Variants in PARPBP observed in about 807,000 individuals in gnomAD.
The protein encoded by PARPBP is PARP1 binding protein.
PARPBP carries 52 observed loss-of-function variants against 50.0 expected under a neutral mutation model. The observed-to-expected ratio is 1.04, with a 90% CI of 0.83 to 1.31. PARPBP has a LOEUF of 1.31. Ranked by LOEUF, PARPBP falls within the 50% of genes most tolerant of loss-of-function variation. The pLI is 0.00. For missense variants in PARPBP, 697 were observed against 672.0 expected, an observed-to-expected ratio of 1.04 and a Z score of -0.41; for synonymous variants, 244 against 232.1, an observed-to-expected ratio of 1.05 and a Z score of -0.47.
Position 102,196,131 on chromosome 12 carries a change from A to C in PARPBP, c.1580A>C (p.Glu527Ala). The C allele has an allele frequency of 6.2e-7, 1 of 1,612,156 alleles. No homozygotes were observed. Among genetic ancestry groups the C allele is most frequent in the Non-Finnish European group, 8.5e-7 (1 of 1,178,704 alleles). The change falls in exon 11 of 11, where the codon GAA (glutamate) becomes GCA (alanine). Residue 527 changes from glutamate to alanine, a missense_variant. By Grantham distance (107) the Glu-to-Ala change is moderately radical. Transcript: ENST00000327680. The stretch of plus-strand genomic sequence containing the variant: ...AATATTCTCTGTGATAATAGAAATG[A>C]ACCACCTCAACATAAAAATGCTAAA... ...GENILCDNRN[E>A]PPQHKNAKIP...
chr12:102,151,882 G>T, intron 3 of PARPBP: 4 of 1,021,308 alleles, frequency 3.9e-6, no homozygotes, highest in Non-Finnish European at 5.8e-6. Flanking sequence ...TGAGAAGAAG[G>T]AACCAGGGAC....
chr12:102,168,879 GTCT>G (rs1269111672), intron 6 of PARPBP, among the ~76,000 whole-genome samples: 1 of 152,104 alleles, frequency 6.6e-6, no homozygotes, highest in Non-Finnish European at 1.5e-5. Context: ...ACAACAAACT[GTCT>G]TCTTTGTTTC....
At chr12:102,151,836 T>G (rs890065732) in intron 3 of PARPBP, 62 of 1,455,446 alleles carry the variant, frequency 4.3e-5, no homozygotes, top group African/African-American at 7.0e-5. Flanking sequence ...TTCAGAACAT[T>G]GAAGAAGCCA....
chr12:102,148,858 A>G (rs1218608982), intron 3 of PARPBP: 1 of 161,738 alleles, frequency 6.2e-6, no homozygotes, highest in Admixed American at 6.4e-5. Context: ...CTATGGATTA[A>G]TAATGTTATT....
intron 2 of PARPBP, among the ~76,000 whole-genome samples, chr12:102,143,417 C>T (rs541085779): frequency 1.8e-4 from 27 of 152,294 alleles, no homozygotes; most frequent in East Asian, 1.4e-3. Flanking sequence ...GGGAATTCCC[C>T]GACCCCTTGC....
intron 8 of PARPBP, among the ~76,000 whole-genome samples, chr12:102,182,008 G>GC (rs1317015416): frequency 6.6e-6 from 1 of 152,054 alleles, no homozygotes; most frequent in East Asian, 1.9e-4. Context: ...TCACCCTGAG[G>GC]CCCCACCTCT....
chr12:102,150,278 C>G, intron 3 of PARPBP: 1 of 453,922 alleles, frequency 2.2e-6, no homozygotes, highest in Non-Finnish European at 4.4e-6. Context: ...ATTTCCAGTG[C>G]GGGGAAAAAG....
chr12:102,150,399 T>A (rs1886032521), intron 3 of PARPBP: 1 of 351,638 alleles, frequency 2.8e-6, no homozygotes, highest in Admixed American at 4.0e-5. Context: ...CCAAACAGTT[T>A]TGAATGTCAT....
chr12:102,194,905 G>A (rs1006048794), intron 9 of PARPBP, among the ~76,000 whole-genome samples: 6 of 150,636 alleles, frequency 4.0e-5, no homozygotes, highest in Non-Finnish European at 8.9e-5. Context: ...TTTTTTCCAA[G>A]AGTGTGTTCT....
rs773020384 is a variant in PARPBP at position 102,195,948 on chromosome 12, C to A, written c.1400-3C>A. 6.4e-7 allele frequency: 1 copy of A among 1,558,830 alleles called. No homozygotes were observed. The highest frequency in any genetic ancestry group is 8.7e-7 in the Non-Finnish European group (1 of 1,150,096). ...CCTTTCCCCTTTTTATCTTGCATAA[C>A]AGAGGGTGTAAATCCATCTGTTGGA... On this transcript the variant is annotated splice_polypyrimidine_tract_variant and splice_region_variant and intron_variant, in intron 10 of 10. Coordinates refer to ENST00000327680, the MANE Select transcript of PARPBP (RefSeq NM_017915.5).
chr12:102,130,724 A>C (rs1882716711), intron 2 of PARPBP, among the ~76,000 whole-genome samples: 1 of 151,746 alleles, frequency 6.6e-6, no homozygotes, highest in Admixed American at 6.6e-5. Flanking sequence ...GCATGGGGGC[A>C]GACGCCTGTA....
At chr12:102,168,333 ACTT>A (rs922407028) in intron 6 of PARPBP, among the ~76,000 whole-genome samples, 13 of 152,242 alleles carry the variant, frequency 8.5e-5, no homozygotes, top group African/African-American at 2.6e-4. Context: ...GAGGGAATAG[ACTT>A]CTTCAACTTA....
chr12:102,175,137 T>G (rs1161500750), intron 6 of PARPBP, among the ~76,000 whole-genome samples: 1 of 152,238 alleles, frequency 6.6e-6, no homozygotes, highest in Non-Finnish European at 1.5e-5. Flanking sequence ...CAATGAGAGA[T>G]AACTGTTCTT....
At chr12:102,122,499 G>A (rs1462492006) in intron 1 of PARPBP, among the ~76,000 whole-genome samples, 1 of 152,166 alleles carries the variant, frequency 6.6e-6, no homozygotes, top group Non-Finnish European at 1.5e-5. Flanking sequence ...AATAAGTACA[G>A]GAAAATACCC....
chr12:102,147,561 C>T (rs892743244), intron 2 of PARPBP, among the ~76,000 whole-genome samples: 1 of 108,374 alleles, frequency 9.2e-6, no homozygotes, highest in African/African-American at 3.7e-5. Context: ...TCTGGGGACT[C>T]TTGTGGGGTG....
intron 9 of PARPBP, among the ~76,000 whole-genome samples, chr12:102,194,469 G>A (rs1891077358): frequency 6.6e-6 from 1 of 151,856 alleles, no homozygotes; most frequent in Non-Finnish European, 1.5e-5. Flanking sequence ...GGCATTATTT[G>A]TATAGGCTAC....
chr12:102,156,543 T>C (rs1886968027), intron 4 of PARPBP, among the ~76,000 whole-genome samples: 1 of 152,112 alleles, frequency 6.6e-6, no homozygotes, highest in African/African-American at 2.4e-5. Context: ...AAAGTTTCTG[T>C]GATTAATAAA....
At chr12:102,158,685 T>C (rs890860597) in intron 4 of PARPBP, among the ~76,000 whole-genome samples, 1 of 152,200 alleles carries the variant, frequency 6.6e-6, no homozygotes, top group African/African-American at 2.4e-5. Context: ...CCTGATCTTT[T>C]CTCGGTGGCG....
intron 3 of PARPBP, among the ~76,000 whole-genome samples, chr12:102,153,246 CCTT>C (rs536300771): frequency 2.0e-4 from 31 of 152,312 alleles, no homozygotes; most frequent in Non-Finnish European, 4.0e-4. Context: ...ACCCCTCACT[CCTT>C]CTTCCAAATT....
Sources: gnomAD v4.1 joint callset for allele counts (sites outside exome capture counted in the v4.1 genomes callset) on GRCh38, gnomAD v4.1.1 for gene constraint, MANE v1.5 for transcripts, NCBI Gene and HGNC (gene_info 2026-07-23, HGNC 2026-07-21) for gene names.